MRPL33: variants seen among roughly 807,000 people sequenced by gnomAD.
The protein encoded by MRPL33 is mitochondrial ribosomal protein L33.
A neutral mutation model predicts 10.1 loss-of-function variants in MRPL33; 5 were observed. The ratio of observed to expected loss-of-function variants is 0.49; its 90% confidence interval spans 0.26 to 1.04. The LOEUF (loss-of-function observed/expected upper bound fraction) is 1.04. Ranked by LOEUF, MRPL33 falls within the 50% of genes least tolerant of loss-of-function variation. The pLI is 0.14. For missense variants in MRPL33, 79 were observed against 78.1 expected (o/e 1.01, Z -0.04); for synonymous variants, 24 against 27.7 (o/e 0.87, Z 0.42).
At chr2:27,771,884 G>T (rs919180017) in intron 1 of MRPL33, 85 bp downstream of exon 1, 1 of 1,379,354 alleles carries the variant, frequency 7.2e-7, no homozygotes. Flanking sequence ...ATGCGGGGAA[G>T]GATGTGCGAA....
intron 2 of MRPL33, among the ~76,000 whole-genome samples, chr2:27,773,581 G>A (rs980647600): frequency 2.6e-5 from 4 of 152,188 alleles, no homozygotes; most frequent in Admixed American, 6.5e-5. Context: ...ATACAGTACT[G>A]TTAGCTCCTA....
chr2:27,778,693 T>G lies in MRPL33; in HGVS notation c.149-740T>G, dbSNP rs138402593. Among the ~76,000 whole-genome samples the G allele has an allele frequency of 2.0e-3, 297 of 152,292 alleles. 4 individuals are homozygous for G. The highest frequency in any genetic ancestry group is 6.8e-3 in the African/African-American group (282 of 41,560). On this transcript the variant is annotated intron_variant, in intron 3 of 3. Coordinates refer to ENST00000296102, the MANE Select transcript of MRPL33 (RefSeq NM_004891.4). ...CGCCAGCCTCCCGCGTAGCTGGGATTACAGGCATGCACCACCATGCCTGGC... is the reference window on the plus strand; with the variant it reads ...CGCCAGCCTCCCGCGTAGCTGGGATGACAGGCATGCACCACCATGCCTGGC...
chr2:27,777,371 C>CT (rs11337446), intron 3 of MRPL33, among the ~76,000 whole-genome samples: 1,267 of 125,584 alleles, frequency 0.01, 21 homozygotes, highest in African/African-American at 0.029. Flanking sequence ...TAATCTAAAA[C>CT]TTTTTTTTTT....
In MRPL33 at chr2:27,772,699, A is replaced by G. The variant is rs2148172013; in HGVS notation, c.41+7A>G. The G allele has an allele frequency of 6.2e-7, 1 of 1,600,382 alleles. No individual in the cohort carries two copies. Among genetic ancestry groups the G allele is most frequent in the South Asian group, 1.1e-5 (1 of 89,476 alleles). On this transcript the variant is annotated splice_region_variant and intron_variant, in intron 2 of 3. Transcript: ENST00000296102. ...TTGCCAAGAGCAAGTCAAAGTAAGTAAAGATTTTTCCTTTTTTAAACGTCA... is the reference window on the plus strand; with the variant it reads ...TTGCCAAGAGCAAGTCAAAGTAAGTGAAGATTTTTCCTTTTTTAAACGTCA...
chr2:27,773,290 C>T (rs900373556), intron 2 of MRPL33, among the ~76,000 whole-genome samples: 5 of 152,178 alleles, frequency 3.3e-5, no homozygotes, highest in Non-Finnish European at 7.4e-5. Context: ...GCAGCTTTTC[C>T]TTGCAACTCA....
chr2:27,775,616 TG>T (rs1677134571), intron 3 of MRPL33, among the ~76,000 whole-genome samples: 1 of 152,076 alleles, frequency 6.6e-6, no homozygotes, highest in South Asian at 2.1e-4. Flanking sequence ...CCTCCCAAAG[TG>T]CTGGGATTAC....
intron 1 of MRPL33, 119 bp from the exon 2 acceptor site, chr2:27,772,555 G>A (rs1271892358): frequency 1.3e-6 from 1 of 743,342 alleles, no homozygotes; most frequent in Non-Finnish European, 2.2e-6. Flanking sequence ...ACACCTCATG[G>A]CATATTTCAT....
intron 2 of MRPL33, among the ~76,000 whole-genome samples, chr2:27,773,718 A>G (rs1677095551): frequency 1.3e-5 from 2 of 152,230 alleles, no homozygotes; most frequent in South Asian, 4.1e-4. Context: ...CAAATACTGT[A>G]TGCCTCTTAT....
intron 2 of MRPL33, among the ~76,000 whole-genome samples, chr2:27,773,805 TTA>T (rs1275061142): frequency 6.6e-6 from 1 of 152,128 alleles, no homozygotes; most frequent in Non-Finnish European, 1.5e-5. Context: ...TGTTTTGGAA[TTA>T]CATGAGAAAT....
At chr2:27,772,893 C>A (rs1677079647) in intron 2 of MRPL33, 3 of 535,816 alleles carry the variant, frequency 5.6e-6, no homozygotes, top group Non-Finnish European at 9.8e-6. Context: ...TGAGCTACTT[C>A]TGTGAGCATT....
At position 27,779,649 on chromosome 2, in the gene MRPL33, C is replaced by G; in HGVS notation, c.*167C>G. 1 of 1,377,108 alleles carries G rather than the reference C, an allele frequency of 7.3e-7. No individual in the cohort carries two copies. Among genetic ancestry groups the G allele is most frequent in the African/African-American group, 1.5e-5 (1 of 68,878 alleles). The allele number at this position is 1,377,108 out of a possible 1,614,324, so 85.3% of individuals were successfully genotyped here. On this transcript the variant is annotated 3_prime_UTR_variant, in exon 4 of 4. Transcript: ENST00000296102. ...GAAAACAATGCAGTGAAAGAAAGTTCTTCATATTAGGACAGATATCATTGC... is the reference window on the plus strand; with the variant it reads ...GAAAACAATGCAGTGAAAGAAAGTTGTTCATATTAGGACAGATATCATTGC...
rs146763291 is a variant in MRPL33 at position 27,771,958 on chromosome 2, C to G, written c.22+159C>G. ...TCAGGACCACAGCGTCCGGCATGCC[C>G]CGCGGCGCGCCTCCCTGCGCGGACC... On this transcript the variant is annotated intron_variant, in intron 1 of 3. Coordinates refer to ENST00000296102, the MANE Select transcript of MRPL33 (RefSeq NM_004891.4). 3.5e-4 allele frequency: 263 copies of G among 761,288 alleles called. 2 individuals are homozygous for G. The East Asian group carries it at 7.3e-3, about 21-fold the overall frequency. The allele number at this position is 761,288 out of a possible 1,614,324, so 47.2% of individuals were successfully genotyped here.
chr2:27,774,874 C>G (rs1048776297), intron 3 of MRPL33, among the ~76,000 whole-genome samples: 4 of 151,938 alleles, frequency 2.6e-5, no homozygotes, highest in Admixed American at 2.0e-4. Flanking sequence ...AAGGTCTCTC[C>G]AGGAGGAGAT....
At chr2:27,778,756 G>A (rs1255698306) in intron 3 of MRPL33, among the ~76,000 whole-genome samples, 1 of 152,100 alleles carries the variant, frequency 6.6e-6, no homozygotes, top group Non-Finnish European at 1.5e-5. Context: ...GTTTCTCCAT[G>A]TTAGCCAGGC....
intron 3 of MRPL33, among the ~76,000 whole-genome samples, chr2:27,777,684 A>G (rs1250742061): frequency 1.3e-5 from 2 of 152,246 alleles, no homozygotes; most frequent in Non-Finnish European, 2.9e-5. Flanking sequence ...TGCCTAGCAC[A>G]GTTCTATGGA....
In MRPL33 at chr2:27,779,424, C is replaced by A; in HGVS notation, c.149-9C>A. 1 of 1,580,970 alleles carries A rather than the reference C, an allele frequency of 6.3e-7. No individual in the cohort carries two copies. The highest frequency in any genetic ancestry group is 2.0e-5 in the Admixed American group (1 of 49,610). On this transcript the variant is annotated splice_polypyrimidine_tract_variant and intron_variant, in intron 3 of 3. Transcript: ENST00000296102. The stretch of plus-strand genomic sequence containing the variant: ...TTTTCTGCCACAATTTTTTTTTCTC[C>A]CTCCATAGTGAAACAAAGAGTCCTC...
chr2:27,774,315 T>G, intron 2 of MRPL33, 109 bp from the exon 3 acceptor site: 3 of 843,022 alleles, frequency 3.6e-6, no homozygotes, highest in South Asian at 2.9e-5. Context: ...CCAAGTGATA[T>G]CTCACAACTA....
At chr2:27,772,763 T>C in intron 2 of MRPL33, 71 bp downstream of exon 2, 1 of 1,208,834 alleles carries the variant, frequency 8.3e-7, no homozygotes, top group African/African-American at 1.5e-5. Flanking sequence ...CTGCTCCCAG[T>C]ACATCCTTAT....
chr2:27,775,967 T>C (rs778347311), intron 3 of MRPL33, among the ~76,000 whole-genome samples: 15 of 152,244 alleles, frequency 9.9e-5, no homozygotes, highest in Non-Finnish European at 1.9e-4. Context: ...GATTTCTTTG[T>C]GTCAGCTGGT....
Sources: gnomAD v4.1 joint callset for allele counts (sites outside exome capture counted in the v4.1 genomes callset) on GRCh38, gnomAD v4.1.1 for gene constraint, MANE v1.5 for transcripts, NCBI Gene and HGNC (gene_info 2026-07-23, HGNC 2026-07-21) for gene names.